NCEH1: variants seen among roughly 807,000 people sequenced by gnomAD.
The protein encoded by NCEH1 is 2-acetyl MAGE hydrolase.
Under a neutral mutation model 25.4 loss-of-function variants are expected in NCEH1, and 9 were observed. The observed-to-expected ratio is 0.35, with a 90% confidence interval of 0.21 to 0.62. The LOEUF (loss-of-function observed/expected upper bound fraction) is 0.62. NCEH1 is among the 20% of genes least tolerant of loss of function. The pLI is 0.72. For synonymous variants in NCEH1, 200 were observed against 199.8 expected, an observed-to-expected ratio of 1.00 and a Z score of -0.01; for missense variants, 412 against 501.1, an observed-to-expected ratio of 0.82 and a Z score of 1.70.
intron 1 of NCEH1, among the ~76,000 whole-genome samples, chr3:172,700,991 C>T (rs1191614462): frequency 6.6e-6 from 1 of 152,064 alleles, no homozygotes; most frequent in Non-Finnish European, 1.5e-5. Context: ...GCCTCTTTTT[C>T]CACTTGCCAC....
At chr3:172,643,510 G>T (rs1716963882) in intron 3 of NCEH1, among the ~76,000 whole-genome samples, 2 of 152,176 alleles carry the variant, frequency 1.3e-5, no homozygotes, top group African/African-American at 4.8e-5. Context: ...ACACCATGTT[G>T]TATAGATTAG....
chr3:172,688,355 A>G (rs1712821561), intron 1 of NCEH1, among the ~76,000 whole-genome samples: 1 of 149,706 alleles, frequency 6.7e-6, no homozygotes, highest in Non-Finnish European at 1.5e-5. Context: ...AAAAAAAAGA[A>G]AATGGACATG....
intron 1 of NCEH1, among the ~76,000 whole-genome samples, chr3:172,667,445 G>C (rs1718270954): frequency 6.6e-6 from 1 of 152,194 alleles, no homozygotes; most frequent in Admixed American, 6.5e-5. Flanking sequence ...AGATCACACA[G>C]GTTTAGGAAG....
intron 3 of NCEH1, among the ~76,000 whole-genome samples, chr3:172,642,603 C>CAAAAAA (rs66551744): frequency 0.013 from 1,022 of 78,068 alleles, 4 homozygotes; most frequent in African/African-American, 0.031. Flanking sequence ...GCTATTTCTA[C>CAAAAAA]AAAAAAAAAA....
intron 1 of NCEH1, among the ~76,000 whole-genome samples, chr3:172,669,232 G>A (rs569857467): frequency 8.5e-5 from 13 of 152,316 alleles, no homozygotes; most frequent in African/African-American, 2.9e-4. Flanking sequence ...TGTGGGCAGG[G>A]CAACACGCCA....
chr3:172,708,100 A>C (rs771741263), intron 1 of NCEH1, among the ~76,000 whole-genome samples: 13 of 152,002 alleles, frequency 8.6e-5, no homozygotes, highest in Non-Finnish European at 1.6e-4. Flanking sequence ...CAAGGAAAAA[A>C]AGCACAATGA....
chr3:172,703,569 T>C (rs1026674928), intron 1 of NCEH1, among the ~76,000 whole-genome samples: 2 of 143,828 alleles, frequency 1.4e-5, no homozygotes, highest in Admixed American at 6.9e-5. Flanking sequence ...TATTTTAAAA[T>C]GCTATTTTAA....
At chr3:172,639,475 G>A (rs1236138652) in intron 3 of NCEH1, among the ~76,000 whole-genome samples, 1 of 152,058 alleles carries the variant, frequency 6.6e-6, no homozygotes, top group Non-Finnish European at 1.5e-5. Flanking sequence ...AAATTCATGG[G>A]TGGTACAGCC....
rs983771258 is a variant in NCEH1 at position 172,636,172 on chromosome 3, A to G, written c.438-85T>C. ...GTTTAGATGGAAACTGGTTCTTTTA[A>G]ATCTGGAAATAGATAAGAAATTAAT... On this transcript the variant is annotated intron_variant, in intron 3 of 4. Transcript: ENST00000475381. 5 of 777,596 alleles carry G rather than the reference A, an allele frequency of 6.4e-6. No individual in the cohort carries two copies. In the Admixed American group the frequency reaches 7.0e-5, roughly 11 times the overall value. 48.2% of individuals were successfully genotyped at this position (777,596 alleles called of 1,614,324 possible).
chr3:172,653,941 A>G (rs1331915275), intron 1 of NCEH1, among the ~76,000 whole-genome samples: 13 of 151,478 alleles, frequency 8.6e-5, no homozygotes, highest in African/African-American at 2.4e-4. Flanking sequence ...ATTTTTAGTA[A>G]AGACAAGGTT....
At chr3:172,665,409 G>A (rs1419977098) in intron 1 of NCEH1, among the ~76,000 whole-genome samples, 2 of 152,222 alleles carry the variant, frequency 1.3e-5, no homozygotes, top group African/African-American at 2.4e-5. Context: ...CCACTGGGAG[G>A]TGCCTCCCAG....
intron 1 of NCEH1, among the ~76,000 whole-genome samples, chr3:172,706,721 G>C (rs553426328): frequency 5.9e-4 from 90 of 151,828 alleles, no homozygotes; most frequent in Middle Eastern, 3.4e-3. Context: ...GGCTGGTCTT[G>C]AACTCCTGAC....
At chr3:172,637,082 T>C (rs1716628932) in intron 3 of NCEH1, among the ~76,000 whole-genome samples, 1 of 152,180 alleles carries the variant, frequency 6.6e-6, no homozygotes, top group Non-Finnish European at 1.5e-5. Context: ...TTGGCTCATA[T>C]GAAAATTATC....
chr3:172,651,445 C>T (rs186974865), intron 1 of NCEH1, among the ~76,000 whole-genome samples: 1 of 152,124 alleles, frequency 6.6e-6, no homozygotes, highest in Admixed American at 6.5e-5. Context: ...AAAATAAATT[C>T]AGTAGCCACA....
intron 1 of NCEH1, among the ~76,000 whole-genome samples, chr3:172,664,521 G>A (rs1330072379): frequency 1.3e-5 from 2 of 152,156 alleles, no homozygotes; most frequent in Non-Finnish European, 2.9e-5. Flanking sequence ...TGCTAGGTTG[G>A]GGAAGTTCTC....
At chr3:172,706,059 A>C (rs1713967470) in intron 1 of NCEH1, among the ~76,000 whole-genome samples, 1 of 150,220 alleles carries the variant, frequency 6.7e-6, no homozygotes, top group South Asian at 2.1e-4. Context: ...AGGCTCTGGG[A>C]ATCTTCTTCA....
intron 2 of NCEH1, 81 bp downstream of exon 2, chr3:172,647,805 A>G (rs1002372979): frequency 6.4e-7 from 1 of 1,566,324 alleles, no homozygotes; most frequent in Non-Finnish European, 8.7e-7. Flanking sequence ...CTTCTTTCCC[A>G]CTAAGAAAGC....
At chr3:172,644,086 T>C (rs1365350530) in intron 3 of NCEH1, among the ~76,000 whole-genome samples, 2 of 151,298 alleles carry the variant, frequency 1.3e-5, no homozygotes, top group Non-Finnish European at 2.9e-5. Flanking sequence ...CTAGGGCTTT[T>C]GGGTGACTGC....
chr3:172,709,586 T>A (rs1236948559), intron 1 of NCEH1, among the ~76,000 whole-genome samples: 1 of 151,904 alleles, frequency 6.6e-6, no homozygotes, highest in Non-Finnish European at 1.5e-5. Flanking sequence ...GCTTTGGAGG[T>A]GAGAATGTGG....
Sources: gnomAD v4.1 joint callset for allele counts (sites outside exome capture counted in the v4.1 genomes callset) on GRCh38, gnomAD v4.1.1 for gene constraint, MANE v1.5 for transcripts, NCBI Gene and HGNC (gene_info 2026-07-23, HGNC 2026-07-21) for gene names.